ARHGDIB: variants seen among roughly 807,000 people sequenced by gnomAD.
ARHGDIB encodes Rho GDP dissociation inhibitor beta.
ARHGDIB carries 20 observed loss-of-function variants against 22.6 expected under a neutral mutation model. The observed-to-expected ratio is 0.88, with a 90% CI of 0.62 to 1.28. The LOEUF is 1.28. Ranked by LOEUF, ARHGDIB falls within the 50% of genes most tolerant of loss-of-function variation. The pLI, the probability that ARHGDIB is intolerant of heterozygous loss-of-function variation, is 0.00. For synonymous variants in ARHGDIB, 114 were observed against 96.1 expected (o/e 1.19, Z -1.09); for missense variants, 254 against 245.4 (o/e 1.04, Z -0.23).
chr12:14,949,620 A>G (rs1471900102), intron 3 of ARHGDIB, among the ~76,000 whole-genome samples, 182 bp downstream of exon 3: 1 of 152,204 alleles, frequency 6.6e-6, no homozygotes, highest in Non-Finnish European at 1.5e-5. Context: ...AGAGATAAAG[A>G]TTGGGCTTTT....
chr12:14,960,137 G>A (rs770245383), intron 1 of ARHGDIB, among the ~76,000 whole-genome samples: 42 of 152,154 alleles, frequency 2.8e-4, no homozygotes, highest in Non-Finnish European at 4.6e-4. Flanking sequence ...GTCTCCATGT[G>A]AAGTGGTGAC....
At chr12:14,947,504 T>C (rs1166143331) in intron 4 of ARHGDIB, among the ~76,000 whole-genome samples, 4 of 152,218 alleles carry the variant, frequency 2.6e-5, no homozygotes, top group Non-Finnish European at 5.9e-5. Context: ...TTGTGTGAAA[T>C]ATTGGAAAGG....
intron 4 of ARHGDIB, among the ~76,000 whole-genome samples, chr12:14,946,944 G>A (rs1208512126): frequency 6.6e-6 from 1 of 152,196 alleles, no homozygotes; most frequent in Admixed American, 6.5e-5. Context: ...GTCCATTATA[G>A]AGTAGGCATC....
chr12:14,952,623 G>A (rs1331953260), intron 1 of ARHGDIB, among the ~76,000 whole-genome samples: 1 of 151,900 alleles, frequency 6.6e-6, no homozygotes, highest in Non-Finnish European at 1.5e-5. Flanking sequence ...TGTAGGTTGT[G>A]GGAAATTTAA....
At chr12:14,944,300 AT>A (rs1863955664) in intron 5 of ARHGDIB, among the ~76,000 whole-genome samples, 1 of 151,156 alleles carries the variant, frequency 6.6e-6, no homozygotes, top group African/African-American at 2.4e-5. Context: ...TTTTTTTTCT[AT>A]TTCTTTGTTA....
At chr12:14,943,255 C>T (rs887683960) in intron 5 of ARHGDIB, among the ~76,000 whole-genome samples, 3 of 152,120 alleles carry the variant, frequency 2.0e-5, no homozygotes, top group Admixed American at 6.5e-5. Context: ...TGTCCTACTT[C>T]CAAAGGCTAT....
At chr12:14,952,543 A>G (rs542557458) in intron 1 of ARHGDIB, among the ~76,000 whole-genome samples, 2 of 152,380 alleles carry the variant, frequency 1.3e-5, no homozygotes, top group African/African-American at 2.4e-5. Context: ...TGCAATTCGT[A>G]TTCCAAACAA....
chr12:14,952,343 A>G (rs1009944888), intron 1 of ARHGDIB, among the ~76,000 whole-genome samples: 1 of 151,900 alleles, frequency 6.6e-6, no homozygotes, highest in Non-Finnish European at 1.5e-5. Flanking sequence ...TCTTCCATCT[A>G]AATAAGCAGC....
At chr12:14,948,403 G>T (rs1864081080) in intron 3 of ARHGDIB, among the ~76,000 whole-genome samples, 1 of 152,018 alleles carries the variant, frequency 6.6e-6, no homozygotes, top group African/African-American at 2.4e-5. Context: ...TTATAGATTT[G>T]GTGATGTTTG....
Position 14,949,920 on chromosome 12 carries a change from G to A in ARHGDIB, c.182-35C>T, listed in dbSNP as rs756584779. ...CGAAAGGGAATGTAAGTACCAAGAA[G>A]AGACATGTGTATAGTGGGTGTGTGC... On this transcript the variant is annotated intron_variant, in intron 2 of 5. Transcript: ENST00000228945. The A allele has an allele frequency of 4.4e-6, 7 of 1,587,026 alleles. No individual in the cohort carries two copies. In the African/African-American group the frequency reaches 8.1e-5, roughly 18 times the overall value.
chr12:14,948,099 T>TGCGCGC lies in ARHGDIB; in HGVS notation c.266-151_266-150insGCGCGC, dbSNP rs367794422. 7.3e-3 allele frequency: 2,266 copies of TGCGCGC among 309,028 alleles called. 40 individuals carry two copies. Among genetic ancestry groups the TGCGCGC allele is most frequent in the African/African-American group, 0.022 (459 of 20,418 alleles). 19.1% of individuals were successfully genotyped at this position (309,028 alleles called of 1,614,324 possible). A position where few individuals can be genotyped will look rare whatever the true frequency, so the allele number is the denominator to read the frequency against. On this transcript the variant is annotated intron_variant, in intron 3 of 5. Transcript: ENST00000228945. ...TCACAGAGTATTTGAGTTTAGTCCT[T>TGCGCGC]GCACACACACACACACACACACACA...
At chr12:14,943,411 T>TC (rs1277716193) in intron 5 of ARHGDIB, among the ~76,000 whole-genome samples, 1 of 150,256 alleles carries the variant, frequency 6.7e-6, no homozygotes, top group African/African-American at 2.4e-5. Flanking sequence ...GTTGTTTTTT[T>TC]TATGGAGATA....
chr12:14,947,904 C>G lies in ARHGDIB; in HGVS notation c.311G>C (p.Gly104Ala), dbSNP rs755900389. The G allele has an allele frequency of 1.2e-6, 2 of 1,613,220 alleles. No homozygotes were observed. Among genetic ancestry groups the G allele is most frequent in the Non-Finnish European group, 1.7e-6 (2 of 1,179,310 alleles). Residue 104 changes from glycine (G) to alanine (A), a missense_variant, in exon 4 of 6, where the codon GGT (glycine) becomes GCT (alanine). Physicochemically the swap from Gly to Ala is moderately conservative, Grantham distance 60 (BLOSUM62 0). Coordinates refer to ENST00000228945, the MANE Select transcript of ARHGDIB (RefSeq NM_001175.7). The stretch of plus-strand genomic sequence containing the variant: ...GTGAATTTTGACTCTATATTCAGAA[C>G]CTTCCTTTAACACAATGGTTTCCTT... ...LKKETIVLKE[G>A]SEYRVKIHFK... is the part of the protein sequence containing the mutation.
chr12:14,947,972 A>C (rs1217297518), intron 3 of ARHGDIB, 23 bp from the exon 4 acceptor site: 4 of 1,584,180 alleles, frequency 2.5e-6, no homozygotes, highest in Non-Finnish European at 3.5e-6. Flanking sequence ...ATTTAGAGAG[A>C]GTTTATCCTC....
rs903195418 is a variant in ARHGDIB, at chr12:14,947,932, T to G, written c.283A>C (p.Lys95Gln). ...MDLTGDLEAL[K>Q]KETIVLKEGS... Reference sequence around the variant, plus strand: ...TCCTTTAACACAATGGTTTCCTTTTTGAGGGCTTCCAGATCTCCTGTAGAA... The same window carrying G: ...TCCTTTAACACAATGGTTTCCTTTTGGAGGGCTTCCAGATCTCCTGTAGAA... Residue 95 changes from lysine to glutamine, a missense_variant, in exon 4 of 6, where the codon AAA (lysine) becomes CAA (glutamine). By Grantham distance (53) the Lys-to-Gln change is moderately conservative. Coordinates refer to ENST00000228945, the MANE Select transcript of ARHGDIB (RefSeq NM_001175.7). 11 of 1,612,650 alleles carry G rather than the reference T, an allele frequency of 6.8e-6. No homozygotes were observed. Among genetic ancestry groups the G allele is most frequent in the Non-Finnish European group, 9.3e-6 (11 of 1,178,758 alleles).
intron 1 of ARHGDIB, among the ~76,000 whole-genome samples, chr12:14,958,651 C>A (rs907840143): frequency 6.6e-6 from 1 of 152,168 alleles, no homozygotes; most frequent in East Asian, 1.9e-4. Context: ...CCATTGCCTT[C>A]AGTATCTCAA....
chr12:14,954,374 T>C (rs1314320534), intron 1 of ARHGDIB, among the ~76,000 whole-genome samples: 2 of 152,330 alleles, frequency 1.3e-5, no homozygotes, highest in East Asian at 3.9e-4. Flanking sequence ...AAGCAGAAGA[T>C]ATCAGGTGAC....
chr12:14,948,100 G>GCACGCACA (rs1555103169), intron 3 of ARHGDIB, 151 bp from the exon 4 acceptor site: 24 of 437,528 alleles, frequency 5.5e-5, no homozygotes, highest in African/African-American at 2.5e-4. Context: ...TTTAGTCCTT[G>GCACGCACA]CACACACACA....
chr12:14,945,728 A>G (rs1863998509), intron 4 of ARHGDIB, among the ~76,000 whole-genome samples: 1 of 152,270 alleles, frequency 6.6e-6, no homozygotes, highest in Admixed American at 6.5e-5. Flanking sequence ...TAGTTCAACC[A>G]ATCAACCAGT....
Sources: allele counts gnomAD v4.1 joint callset (sites outside exome capture counted in the v4.1 genomes callset), GRCh38; gene constraint gnomAD v4.1.1; transcripts MANE v1.5; gene names NCBI Gene and HGNC (gene_info 2026-07-23, HGNC 2026-07-21).